ARHGAP24: variants seen among roughly 807,000 people sequenced by gnomAD.
ARHGAP24 encodes the protein Rho GTPase activating protein 24.
Under a neutral mutation model 76.4 loss-of-function variants are expected in ARHGAP24, and 50 were observed. The ratio of observed to expected loss-of-function variants is 0.65; its 90% CI spans 0.52 to 0.83. ARHGAP24 has a LOEUF of 0.83. ARHGAP24 is among the 40% of genes least tolerant of loss of function. The pLI is 0.00. For missense variants in ARHGAP24, 930 were observed against 914.2 expected (o/e 1.02, Z -0.22); for synonymous variants, 345 against 323.3 (o/e 1.07, Z -0.72).
intron 2 of ARHGAP24, among the ~76,000 whole-genome samples, chr4:85,631,303 C>G (rs779005139): frequency 6.6e-5 from 10 of 152,044 alleles, no homozygotes; most frequent in Non-Finnish European, 1.2e-4. Context: ...TCTGTTTACT[C>G]TTTAAAAGAG....
chr4:85,813,554 C>T (rs1729100937), intron 3 of ARHGAP24, among the ~76,000 whole-genome samples: 1 of 151,970 alleles, frequency 6.6e-6, no homozygotes, highest in Non-Finnish European at 1.5e-5. Context: ...GTATGAGTTA[C>T]AGTATAATTC....
chr4:85,481,020 A>AT (rs1300631799), intron 1 of ARHGAP24, among the ~76,000 whole-genome samples: 1 of 152,152 alleles, frequency 6.6e-6, no homozygotes, highest in Admixed American at 6.5e-5. Context: ...TATAACTTTC[A>AT]TTTTGTCTTG....
intron 2 of ARHGAP24, among the ~76,000 whole-genome samples, chr4:85,712,264 C>T (rs1448317633): frequency 2.6e-5 from 4 of 152,128 alleles, no homozygotes; most frequent in African/African-American, 9.7e-5. Context: ...AGGATTTTCT[C>T]TGGTTACCAC....
intron 3 of ARHGAP24, among the ~76,000 whole-genome samples, chr4:85,732,950 G>A (rs1017778376): frequency 5.3e-5 from 8 of 150,482 alleles, no homozygotes; most frequent in African/African-American, 2.0e-4. Flanking sequence ...CACCTGCCTC[G>A]GCCTCCCAAA....
chr4:85,829,740 T>TATC (rs1244372705), intron 3 of ARHGAP24, among the ~76,000 whole-genome samples: 2 of 152,252 alleles, frequency 1.3e-5, no homozygotes, highest in Non-Finnish European at 2.9e-5. Context: ...GTAACTGTTT[T>TATC]ATCAACACAA....
At chr4:85,925,136 C>T (rs1420382953) in intron 4 of ARHGAP24, among the ~76,000 whole-genome samples, 2 of 152,132 alleles carry the variant, frequency 1.3e-5, no homozygotes, top group Non-Finnish European at 2.9e-5. Context: ...TTTCAGTTGC[C>T]ACTGGTCAAC....
chr4:85,939,410 A>G (rs944715286), intron 4 of ARHGAP24, among the ~76,000 whole-genome samples: 5 of 152,308 alleles, frequency 3.3e-5, no homozygotes, highest in African/African-American at 1.2e-4. Flanking sequence ...CCATTCTGCC[A>G]CTTGGTGCTC....
chr4:85,785,626 T>C (rs1727802809), intron 3 of ARHGAP24, among the ~76,000 whole-genome samples: 1 of 152,184 alleles, frequency 6.6e-6, no homozygotes, highest in Non-Finnish European at 1.5e-5. Flanking sequence ...TTTCTTTATT[T>C]ATTCTTAGTG....
At chr4:85,751,427 A>T (rs1726261629) in intron 3 of ARHGAP24, among the ~76,000 whole-genome samples, 1 of 152,196 alleles carries the variant, frequency 6.6e-6, no homozygotes, top group Non-Finnish European at 1.5e-5. Flanking sequence ...TGTGTATTAA[A>T]TTTATATATT....
chr4:85,600,335 A>G (rs1294407484), intron 2 of ARHGAP24, among the ~76,000 whole-genome samples: 1 of 152,200 alleles, frequency 6.6e-6, no homozygotes, highest in African/African-American at 2.4e-5. Flanking sequence ...GGAAAAACCT[A>G]TTGAAGAGTT....
intron 6 of ARHGAP24, chr4:85,972,491 C>T (rs1255238430): frequency 6.0e-6 from 2 of 335,346 alleles, no homozygotes; most frequent in Non-Finnish European, 1.1e-5. Context: ...ATCTTTTAAT[C>T]GTGTGGACCC....
At chr4:85,694,191 G>A (rs1219479463) in intron 2 of ARHGAP24, among the ~76,000 whole-genome samples, 5 of 152,002 alleles carry the variant, frequency 3.3e-5, no homozygotes, top group Admixed American at 3.3e-4. Context: ...CTTGGTGGGA[G>A]CAGCACTTTC....
At chr4:85,889,085 A>G (rs1733735880) in intron 3 of ARHGAP24, among the ~76,000 whole-genome samples, 2 of 152,236 alleles carry the variant, frequency 1.3e-5, no homozygotes, top group Non-Finnish European at 2.9e-5. Context: ...TGCAGTAAAC[A>G]TACACATGCA....
intron 3 of ARHGAP24, among the ~76,000 whole-genome samples, chr4:85,877,771 T>C (rs903339354): frequency 6.6e-6 from 1 of 152,188 alleles, no homozygotes; most frequent in South Asian, 2.1e-4. Flanking sequence ...TAAGAAAACT[T>C]ACTAAACTTG....
chr4:85,726,946 A>G (rs2110048459), intron 3 of ARHGAP24, among the ~76,000 whole-genome samples: 1 of 152,206 alleles, frequency 6.6e-6, no homozygotes, highest in South Asian at 2.1e-4. Context: ...AGGTAGGGGT[A>G]TCACCTGAGG....
chr4:85,637,431 A>G (rs1274541429), intron 2 of ARHGAP24, among the ~76,000 whole-genome samples: 2 of 152,100 alleles, frequency 1.3e-5, no homozygotes, highest in African/African-American at 4.8e-5. Context: ...TATTCATTCA[A>G]CTACACTGAT....
intron 2 of ARHGAP24, among the ~76,000 whole-genome samples, chr4:85,709,044 G>A (rs1724424087): frequency 6.6e-6 from 1 of 152,200 alleles, no homozygotes; most frequent in East Asian, 1.9e-4. Context: ...TTTTATCTGT[G>A]CCTTCTATAT....
intron 2 of ARHGAP24, among the ~76,000 whole-genome samples, chr4:85,618,793 A>G (rs1252153213): frequency 6.6e-6 from 1 of 152,048 alleles, no homozygotes; most frequent in East Asian, 1.9e-4. Context: ...TGAAATGTCT[A>G]TTCAAGTTTT....
At chr4:85,706,153 G>T (rs193156554) in intron 2 of ARHGAP24, among the ~76,000 whole-genome samples, 192 of 152,272 alleles carry the variant, frequency 1.3e-3, no homozygotes, top group African/African-American at 4.4e-3. Context: ...TTGGTAGGGG[G>T]ATGAACTGAG....
Sources: allele counts gnomAD v4.1 joint callset (sites outside exome capture counted in the v4.1 genomes callset), GRCh38; gene constraint gnomAD v4.1.1; transcripts MANE v1.5; gene names NCBI Gene and HGNC (gene_info 2026-07-23, HGNC 2026-07-21).